Variants in SNRPN observed in about 807,000 individuals in gnomAD.
The protein encoded by SNRPN is small nuclear ribonucleoprotein polypeptide N, also known as small nuclear ribonucleoprotein-associated protein N.
Under a neutral mutation model 25.2 loss-of-function variants are expected in SNRPN, and 7 were observed. The ratio of observed to expected loss-of-function variants is 0.28; its 90% confidence interval spans 0.16 to 0.52. The LOEUF (loss-of-function observed/expected upper bound fraction) is 0.52, where lower values mean the gene tolerates loss of function less well. Among genes scored for constraint, SNRPN ranks in the 20% least tolerant of loss-of-function variants. The pLI, the probability that SNRPN is intolerant of heterozygous loss-of-function variation, is 0.96. For synonymous variants in SNRPN, 124 were observed against 110.6 expected (o/e 1.12, Z -0.76); for missense variants, 196 against 322.5 (o/e 0.61, Z 3.00).
At chr15:24,827,824 A>T (rs1453557) in intron 1 of SNRPN, among the ~76,000 whole-genome samples, 1 of 150,480 alleles carries the variant, frequency 6.6e-6, no homozygotes, top group Non-Finnish European at 1.5e-5. Context: ...CCAAGACTGC[A>T]CCACTGCACT....
chr15:24,905,162 A>T (rs1016883639), intron 2 of SNRPN, among the ~76,000 whole-genome samples: 5 of 151,836 alleles, frequency 3.3e-5, no homozygotes, highest in African/African-American at 1.2e-4. Flanking sequence ...TTAGCTCAAG[A>T]ACACTTCCTT....
chr15:24,852,818 C>T (rs1467632959), upstream of SNRPN, among the ~76,000 whole-genome samples: 2 of 151,982 alleles, frequency 1.3e-5, no homozygotes, highest in African/African-American at 2.4e-5. Flanking sequence ...CTCAGCTACT[C>T]GGGAGGCTGA....
chr15:24,942,774 T>G (rs969861544), intron 3 of SNRPN, among the ~76,000 whole-genome samples: 19 of 152,136 alleles, frequency 1.2e-4, no homozygotes, highest in African/African-American at 4.1e-4. Flanking sequence ...AGACTCAGTG[T>G]TGGTCTCTGC....
chr15:24,901,451 C>T (rs1262502151), intron 2 of SNRPN, among the ~76,000 whole-genome samples: 1 of 152,158 alleles, frequency 6.6e-6, no homozygotes, highest in East Asian at 1.9e-4. Flanking sequence ...ACCTAGCTTT[C>T]AACCCTAAGT....
chr15:24,911,872 A>G (rs1026996373), intron 2 of SNRPN, among the ~76,000 whole-genome samples: 4 of 152,216 alleles, frequency 2.6e-5, no homozygotes, highest in African/African-American at 4.8e-5. Context: ...GAGTTCCTAG[A>G]CCCAGACCTG....
At chr15:24,868,198 G>A (rs1364224908) in intron 1 of SNRPN, among the ~76,000 whole-genome samples, 2 of 152,010 alleles carry the variant, frequency 1.3e-5, no homozygotes, top group South Asian at 4.2e-4. Context: ...GACAGCAATA[G>A]TACAAATTAC....
chr15:24,850,511 A>G (rs997358988), intron 2 of SNRPN: 1 of 152,196 alleles, frequency 6.6e-6, no homozygotes, highest in Non-Finnish European at 1.5e-5. Context: ...GGGTTTCACC[A>G]TGTTTTTTGG....
intron 2 of SNRPN, among the ~76,000 whole-genome samples, chr15:24,895,909 T>C (rs1401696270): frequency 6.6e-6 from 1 of 152,186 alleles, no homozygotes; most frequent in African/African-American, 2.4e-5. Flanking sequence ...AAGGAAAATA[T>C]GAGAACAAGG....
chr15:24,841,350 T>TTTATG (rs1454119771), intron 2 of SNRPN, among the ~76,000 whole-genome samples: 2 of 152,040 alleles, frequency 1.3e-5, no homozygotes, highest in Non-Finnish European at 2.9e-5. Context: ...TATAATGCAC[T>TTTATG]CAGGGTGGGA....
chr15:24,933,293 T>G (rs2152906960), intron 3 of SNRPN, among the ~76,000 whole-genome samples: 1 of 152,080 alleles, frequency 6.6e-6, no homozygotes, highest in East Asian at 1.9e-4. Flanking sequence ...GTTGACTTTT[T>G]GCCAGCTGTT....
chr15:24,950,748 A>G (rs1456457268), upstream of SNRPN, among the ~76,000 whole-genome samples: 1 of 148,496 alleles, frequency 6.7e-6, no homozygotes, highest in Admixed American at 6.7e-5. Flanking sequence ...GAGTCTTGCT[A>G]TGTTGCCCAG....
intron 2 of SNRPN, among the ~76,000 whole-genome samples, chr15:24,835,862 G>C (rs558663780): frequency 6.6e-6 from 1 of 151,966 alleles, no homozygotes; most frequent in Non-Finnish European, 1.5e-5. Context: ...ACAGGGTCTC[G>C]CTTTGTTGCC....
intron 3 of SNRPN, among the ~76,000 whole-genome samples, chr15:24,925,670 C>T (rs2060328099): frequency 6.6e-6 from 1 of 152,068 alleles, no homozygotes; most frequent in Non-Finnish European, 1.5e-5. Context: ...ACTACAGCCT[C>T]AATCTCCAAG....
Position 24,835,089 on chromosome 15 carries a change from AATATATAG to A in SNRPN, c.-579+5192_-579+5199del. On this transcript the variant is annotated intron_variant, in intron 2 of 12. Coordinates refer to the SNRPN transcript ENST00000400100. Reference sequence around the variant, plus strand: ...ATATAGTATATATATCTATATATAAAATATATAGATATATATACTATATATCTATATAT... The same window carrying A: ...ATATAGTATATATATCTATATATAAAATATATATACTATATATCTATATAT... 8.0e-5 allele frequency among the ~76,000 whole-genome samples: 2 copies of A among 25,082 alleles called. 1 individual carries two copies. The highest frequency in any genetic ancestry group is 4.9e-3 in the South Asian group (2 of 406). The allele number at this position is 25,082 out of a possible 152,430, so 16.5% of individuals were successfully genotyped here. A position where few individuals can be genotyped will look rare whatever the true frequency, so the allele number is the denominator to read the frequency against.
intron 3 of SNRPN, among the ~76,000 whole-genome samples, chr15:24,971,898 A>G (rs1301888911): frequency 6.6e-6 from 1 of 152,128 alleles, no homozygotes; most frequent in Non-Finnish European, 1.5e-5. Flanking sequence ...TTGCTCATTC[A>G]CAGTCATGAT....
At chr15:24,877,817 C>A (rs1374816131) in intron 1 of SNRPN, among the ~76,000 whole-genome samples, 1 of 152,172 alleles carries the variant, frequency 6.6e-6, no homozygotes, top group Non-Finnish European at 1.5e-5. Context: ...GGGCCACTGC[C>A]TGGCGACAGA....
intron 2 of SNRPN, among the ~76,000 whole-genome samples, chr15:24,846,310 T>C (rs1031331474): frequency 1.3e-5 from 2 of 152,190 alleles, no homozygotes; most frequent in African/African-American, 2.4e-5. Context: ...ATTATCAGTA[T>C]AAAGGAAGTC....
intron 3 of SNRPN, among the ~76,000 whole-genome samples, chr15:24,939,469 G>T (rs1308011800): frequency 6.6e-6 from 1 of 152,150 alleles, no homozygotes; most frequent in Non-Finnish European, 1.5e-5. Flanking sequence ...GTCTCTTTCT[G>T]TTGCCCAGGC....
intron 3 of SNRPN, among the ~76,000 whole-genome samples, chr15:24,932,523 T>C (rs992591326): frequency 2.0e-5 from 3 of 150,370 alleles, no homozygotes; most frequent in Non-Finnish European, 3.0e-5. Flanking sequence ...CATGAGCCAC[T>C]GTGCCCAGCG....
Sources: allele counts gnomAD v4.1 joint callset (sites outside exome capture counted in the v4.1 genomes callset), GRCh38; gene constraint gnomAD v4.1.1; transcripts MANE v1.5; gene names NCBI Gene and HGNC (gene_info 2026-07-23, HGNC 2026-07-21).